Variants in EPB41L3 observed in about 807,000 individuals in gnomAD.
EPB41L3 encodes band 4.1-like protein 3.
A neutral mutation model predicts 127.1 loss-of-function variants in EPB41L3; 57 were observed. The observed-to-expected ratio is 0.45, with a 90% confidence interval of 0.36 to 0.56. EPB41L3 has a LOEUF of 0.56. Among genes scored for constraint, EPB41L3 ranks in the 20% least tolerant of loss-of-function variants. The probability of loss-of-function intolerance (pLI) is 0.00; values close to 1 mark genes in which losing one functional copy is unlikely to be tolerated. For missense variants in EPB41L3, 1,273 were observed against 1,372.2 expected, an observed-to-expected ratio of 0.93 and a Z score of 1.14; for synonymous variants, 572 against 549.5, an observed-to-expected ratio of 1.04 and a Z score of -0.57.
intron 3 of EPB41L3, among the ~76,000 whole-genome samples, chr18:5,586,614 C>T (rs1044119243): frequency 1.4e-5 from 2 of 145,698 alleles, no homozygotes; most frequent in Non-Finnish European, 3.0e-5. Context: ...GTTGCCCAGG[C>T]TGGTCTCAAA....
intron 3 of EPB41L3, among the ~76,000 whole-genome samples, chr18:5,564,461 A>G (rs1427414740): frequency 6.6e-6 from 1 of 152,178 alleles, no homozygotes; most frequent in Non-Finnish European, 1.5e-5. Context: ...AGGATAAGAC[A>G]GACTTGAGCA....
chr18:5,537,757 ATGACTAAT>A lies in EPB41L3; in HGVS notation c.-12+6148_-12+6155del, dbSNP rs1598791848. On this transcript the variant is annotated intron_variant, in intron 1 of 22. Coordinates refer to ENST00000341928, the MANE Select transcript of EPB41L3 (RefSeq NM_012307.5). Reference sequence around the variant, plus strand: ...ATGTCCTATCTGGAATGTCTTCTCAATGACTAATTGAGAGTCTCTATCAAAATCCAGTC... The same window carrying A: ...ATGTCCTATCTGGAATGTCTTCTCAATGAGAGTCTCTATCAAAATCCAGTC... 5.3e-5 allele frequency among the ~76,000 whole-genome samples: 8 copies of A among 152,296 alleles called. No individual in the cohort carries two copies. In the East Asian group the frequency reaches 1.5e-3, roughly 29 times the overall value.
At chr18:5,585,916 A>G (rs754328335) in intron 3 of EPB41L3, among the ~76,000 whole-genome samples, 11 of 152,144 alleles carry the variant, frequency 7.2e-5, no homozygotes, top group Non-Finnish European at 1.3e-4. Flanking sequence ...ATCCCTCGGC[A>G]AGGGCAGCTC....
chr18:5,400,273 A>G lies in EPB41L3; in HGVS notation c.2350-2130T>C, dbSNP rs76523350. 5.5e-3 allele frequency: 1,379 copies of G among 251,560 alleles called. 17 individuals are homozygous for G. The highest frequency in any genetic ancestry group is 0.03 in the African/African-American group (1,293 of 43,432). The allele number at this position is 251,560 out of a possible 1,614,324, so 15.6% of individuals were successfully genotyped here. A position where few individuals can be genotyped will look rare whatever the true frequency, so the allele number is the denominator to read the frequency against. ...ATTCAGGGAGGCATAATACAATATGACCAGGTAGGTTAATAGCTTCACAGA... is the reference window on the plus strand; with the variant it reads ...ATTCAGGGAGGCATAATACAATATGGCCAGGTAGGTTAATAGCTTCACAGA... On this transcript the variant is annotated intron_variant, in intron 16 of 22. Coordinates refer to ENST00000341928, the MANE Select transcript of EPB41L3 (RefSeq NM_012307.5).
intron 1 of EPB41L3, among the ~76,000 whole-genome samples, chr18:5,538,995 ATTTTTTTTTTTTT>A (rs757227800): frequency 8.7e-6 from 1 of 115,212 alleles, no homozygotes; most frequent in Non-Finnish European, 1.9e-5. Flanking sequence ...TTTCTCCAAG[ATTTTTTTTTTTTT>A]TTTTTTTTTT....
At chr18:5,590,649 C>T (rs771951576) in intron 3 of EPB41L3, among the ~76,000 whole-genome samples, 8 of 151,980 alleles carry the variant, frequency 5.3e-5, no homozygotes, top group Non-Finnish European at 1.0e-4. Context: ...AAGTTGGAAA[C>T]GATCTAAATG....
chr18:5,552,853 G>A (rs2093984559), intron 3 of EPB41L3, among the ~76,000 whole-genome samples: 1 of 152,302 alleles, frequency 6.6e-6, no homozygotes, highest in African/African-American at 2.4e-5. Context: ...TCAGAGCCAG[G>A]ACACAAGCTC....
At chr18:5,611,144 C>T (rs779506958) in intron 3 of EPB41L3, among the ~76,000 whole-genome samples, 1 of 152,218 alleles carries the variant, frequency 6.6e-6, no homozygotes, top group Non-Finnish European at 1.5e-5. Flanking sequence ...TCAAATGCTA[C>T]TGTCAACTCA....
chr18:5,431,611 C>T lies in EPB41L3; in HGVS notation c.912+1858G>A, dbSNP rs551039030. Among the ~76,000 whole-genome samples, 24 of 152,298 alleles carry T rather than the reference C, an allele frequency of 1.6e-4. No homozygotes were observed. The South Asian group carries it at 3.9e-3, about 25-fold the overall frequency. ...AGAAACACTGATACATCCTGAGGTG[C>T]ACTTCCTGAAATGCATATCCTAATC... On this transcript the variant is annotated intron_variant, in intron 8 of 22. Transcript: ENST00000341928.
At chr18:5,481,339 C>T (rs2088468340) in intron 2 of EPB41L3, among the ~76,000 whole-genome samples, 1 of 152,068 alleles carries the variant, frequency 6.6e-6, no homozygotes, top group African/African-American at 2.4e-5. Context: ...ATCCTGAGGC[C>T]ACAGAAAAGT....
chr18:5,601,436 G>T (rs532233982), intron 3 of EPB41L3, among the ~76,000 whole-genome samples: 2 of 152,108 alleles, frequency 1.3e-5, no homozygotes, highest in Non-Finnish European at 2.9e-5. Context: ...AAGAACTCTT[G>T]CCCCATGCTT....
At chr18:5,507,023 G>C (rs905797398) in intron 1 of EPB41L3, among the ~76,000 whole-genome samples, 14 of 152,150 alleles carry the variant, frequency 9.2e-5, no homozygotes, top group Non-Finnish European at 1.6e-4. Flanking sequence ...TAGAATTCTA[G>C]CCCTACTACC....
chr18:5,484,102 A>C (rs1274641797), intron 2 of EPB41L3, among the ~76,000 whole-genome samples: 113 of 125,678 alleles, frequency 9.0e-4, no homozygotes, highest in African/African-American at 2.8e-3. Context: ...AAAAAAAAAA[A>C]AAAAAAAAAA....
intron 2 of EPB41L3, among the ~76,000 whole-genome samples, chr18:5,488,072 C>A (rs990440801): frequency 6.6e-6 from 1 of 152,100 alleles, no homozygotes; most frequent in African/African-American, 2.4e-5. Context: ...TAAATATGGA[C>A]TTATTCAAGG....
intron 9 of EPB41L3, among the ~76,000 whole-genome samples, chr18:5,425,169 T>C (rs1166092633): frequency 6.6e-6 from 1 of 152,176 alleles, no homozygotes; most frequent in Non-Finnish European, 1.5e-5. Context: ...TGGGTACTAC[T>C]GCTATAATCA....
intron 9 of EPB41L3, among the ~76,000 whole-genome samples, chr18:5,426,294 T>C (rs111361963): frequency 0.011 from 1,620 of 152,314 alleles, 11 homozygotes; most frequent in Non-Finnish European, 0.016. Context: ...TTCTGAAATT[T>C]TCCCCCTTTT....
intron 3 of EPB41L3, among the ~76,000 whole-genome samples, chr18:5,560,899 C>T (rs2094115864): frequency 6.6e-6 from 1 of 151,824 alleles, no homozygotes; most frequent in South Asian, 2.1e-4. Flanking sequence ...ATGACATGTC[C>T]AATGAGAAAT....
At chr18:5,514,206 G>C (rs1031126127) in intron 1 of EPB41L3, among the ~76,000 whole-genome samples, 38 of 152,288 alleles carry the variant, frequency 2.5e-4, no homozygotes, top group African/African-American at 7.9e-4. Context: ...CAGAACACTA[G>C]AGCAGCTGTT....
At chr18:5,446,000 G>A (rs576483572) in intron 3 of EPB41L3, among the ~76,000 whole-genome samples, 19 of 152,266 alleles carry the variant, frequency 1.2e-4, no homozygotes, top group Non-Finnish European at 1.6e-4. Context: ...GTTGGGGACC[G>A]CAGCTCTATG....
Sources: allele counts gnomAD v4.1 joint callset (sites outside exome capture counted in the v4.1 genomes callset), GRCh38; gene constraint gnomAD v4.1.1; transcripts MANE v1.5; gene names NCBI Gene and HGNC (gene_info 2026-07-23, HGNC 2026-07-21).